Variants in PDSS2 observed in about 807,000 individuals in gnomAD.
PDSS2 encodes all trans-polyprenyl-diphosphate synthase PDSS2.
Under a neutral mutation model 44.5 loss-of-function variants are expected in PDSS2, and 31 were observed. That is an observed-to-expected ratio of 0.70 (90% CI 0.52 to 0.94). The LOEUF (loss-of-function observed/expected upper bound fraction) is 0.94. PDSS2 is among the 40% of genes least tolerant of loss of function. The pLI, the probability that PDSS2 is intolerant of heterozygous loss-of-function variation, is 0.00. For synonymous variants in PDSS2, 157 were observed against 180.3 expected (o/e 0.87, Z 1.03); for missense variants, 452 against 482.2 (o/e 0.94, Z 0.59).
intron 3 of PDSS2, among the ~76,000 whole-genome samples, chr6:107,255,776 A>G (rs1423669341): frequency 6.6e-6 from 1 of 152,134 alleles, no homozygotes; most frequent in Non-Finnish European, 1.5e-5. Flanking sequence ...GGTCTTCCAA[A>G]TTTTTGATGC....
In PDSS2 at chr6:107,373,664, C is replaced by T. The variant is rs1269595693; in HGVS notation, c.297-39332G>A. Among the ~76,000 whole-genome samples the T allele has an allele frequency of 2.6e-5, 4 of 152,176 alleles. No individual in the cohort carries two copies. The East Asian group carries it at 7.7e-4, about 29-fold the overall frequency. On this transcript the variant is annotated intron_variant, in intron 1 of 7. Transcript: ENST00000369037. ...GAAAGAAGTAACCCTTTTTCTTCTCCCTTAAGCCACCTGCTAGCTAATGTC... is the reference window on the plus strand; with the variant it reads ...GAAAGAAGTAACCCTTTTTCTTCTCTCTTAAGCCACCTGCTAGCTAATGTC...
At chr6:107,393,571 C>A (rs1052966573) in intron 1 of PDSS2, among the ~76,000 whole-genome samples, 1 of 152,064 alleles carries the variant, frequency 6.6e-6, no homozygotes, top group Non-Finnish European at 1.5e-5. Context: ...TTTATGTATA[C>A]TTGTTCTATT....
At chr6:107,262,658 G>C (rs971673491) in intron 3 of PDSS2, among the ~76,000 whole-genome samples, 1 of 152,144 alleles carries the variant, frequency 6.6e-6, no homozygotes, top group African/African-American at 2.4e-5. Flanking sequence ...TGTAGTCCCA[G>C]CTATTTGAGA....
chr6:107,351,811 T>C (rs1377059691), intron 1 of PDSS2, among the ~76,000 whole-genome samples: 1 of 152,202 alleles, frequency 6.6e-6, no homozygotes, highest in African/African-American at 2.4e-5. Flanking sequence ...TCTTCCAAAA[T>C]GTTCTTTTAA....
At chr6:107,272,975 CTG>C (rs1775653826) in intron 3 of PDSS2, among the ~76,000 whole-genome samples, 1 of 151,990 alleles carries the variant, frequency 6.6e-6, no homozygotes, top group Admixed American at 6.6e-5. Flanking sequence ...GAGTATCACT[CTG>C]TCGCCCAGGC....
intron 1 of PDSS2, among the ~76,000 whole-genome samples, chr6:107,396,673 TTTTTC>T (rs1176096543): frequency 1.5e-4 from 14 of 93,232 alleles, no homozygotes; most frequent in African/African-American, 2.3e-4. Flanking sequence ...TTCCTCTTCT[TTTTTC>T]TTTTTTTTTT....
chr6:107,292,964 T>C (rs760721039), intron 2 of PDSS2, among the ~76,000 whole-genome samples: 5 of 152,208 alleles, frequency 3.3e-5, no homozygotes, highest in Non-Finnish European at 5.9e-5. Context: ...ACAAGACATC[T>C]GGGTGCGGCG....
chr6:107,316,501 G>T (rs1353982576), intron 2 of PDSS2, among the ~76,000 whole-genome samples: 1 of 151,924 alleles, frequency 6.6e-6, no homozygotes. Flanking sequence ...ATTATATATG[G>T]CTATGGTCTA....
At chr6:107,385,335 TAA>T (rs201356582) in intron 1 of PDSS2, among the ~76,000 whole-genome samples, 11 of 142,634 alleles carry the variant, frequency 7.7e-5, no homozygotes, top group East Asian at 4.0e-4. Flanking sequence ...CCCTGTCTCT[TAA>T]AAAAAAAAAA....
intron 3 of PDSS2, among the ~76,000 whole-genome samples, chr6:107,264,019 T>C (rs1410166004): frequency 2.6e-5 from 4 of 152,152 alleles, no homozygotes; most frequent in African/African-American, 9.7e-5. Flanking sequence ...CTAAAAGATA[T>C]TAAATAATTT....
intron 2 of PDSS2, among the ~76,000 whole-genome samples, chr6:107,314,687 C>T (rs2115134536): frequency 6.6e-6 from 1 of 152,290 alleles, no homozygotes; most frequent in East Asian, 1.9e-4. Flanking sequence ...TAAGGATCTG[C>T]CCCCACAAGC....
At chr6:107,307,654 T>C (rs1484503145) in intron 2 of PDSS2, among the ~76,000 whole-genome samples, 1 of 152,182 alleles carries the variant, frequency 6.6e-6, no homozygotes, top group Non-Finnish European at 1.5e-5. Context: ...GTGGGTATTA[T>C]ATTACCTTTC....
At chr6:107,325,117 C>G (rs1777498488) in intron 2 of PDSS2, among the ~76,000 whole-genome samples, 1 of 152,150 alleles carries the variant, frequency 6.6e-6, no homozygotes, top group Non-Finnish European at 1.5e-5. Context: ...TTATTTCACA[C>G]AGGCCTCCAA....
intron 7 of PDSS2, among the ~76,000 whole-genome samples, chr6:107,158,947 T>C (rs1163285773): frequency 6.6e-6 from 1 of 152,014 alleles, no homozygotes; most frequent in Non-Finnish European, 1.5e-5. Context: ...CAGGCTGGTC[T>C]TGAACTCCTG....
intron 6 of PDSS2, among the ~76,000 whole-genome samples, chr6:107,199,167 A>G (rs865893818): frequency 1.4e-4 from 22 of 152,004 alleles, no homozygotes; most frequent in African/African-American, 4.6e-4. Flanking sequence ...TTTAACAAAT[A>G]CTCATTCAGC....
intron 6 of PDSS2, among the ~76,000 whole-genome samples, chr6:107,201,555 G>GT (rs1398680153): frequency 6.6e-6 from 1 of 152,036 alleles, no homozygotes; most frequent in African/African-American, 2.4e-5. Context: ...AGAAACAAAC[G>GT]TTTTTTTATA....
chr6:107,282,906 A>C (rs941214404), intron 2 of PDSS2, among the ~76,000 whole-genome samples: 1 of 143,492 alleles, frequency 7.0e-6, no homozygotes, highest in East Asian at 2.2e-4. Context: ...TTTTTTTTGT[A>C]GAGACAGGGG....
chr6:107,440,029 G>T (rs1428448675), intron 1 of PDSS2, among the ~76,000 whole-genome samples: 3 of 152,060 alleles, frequency 2.0e-5, no homozygotes, highest in African/African-American at 7.2e-5. Flanking sequence ...TGTTTTGACA[G>T]GGACAGTGGC....
intron 1 of PDSS2, among the ~76,000 whole-genome samples, chr6:107,404,430 C>T (rs947894394): frequency 6.6e-6 from 1 of 152,132 alleles, no homozygotes; most frequent in Admixed American, 6.5e-5. Flanking sequence ...CTACCCAGTA[C>T]CAATTCACTG....
Sources: gnomAD v4.1 joint callset for allele counts (sites outside exome capture counted in the v4.1 genomes callset) on GRCh38, gnomAD v4.1.1 for gene constraint, MANE v1.5 for transcripts, NCBI Gene and HGNC (gene_info 2026-07-23, HGNC 2026-07-21) for gene names.